Variants in RALYL observed in about 807,000 individuals in gnomAD.
RALYL encodes the protein RNA-binding Raly-like protein.
RALYL carries 29 observed loss-of-function variants against 35.1 expected under a neutral mutation model. The ratio of observed to expected loss-of-function variants is 0.83; its 90% CI spans 0.61 to 1.13. The LOEUF (loss-of-function observed/expected upper bound fraction) is 1.13. RALYL is among the 50% of genes most tolerant of loss of function. RALYL has a pLI of 0.00. For missense variants in RALYL, 359 were observed against 360.4 expected, an observed-to-expected ratio of 1.00 and a Z score of 0.03; for synonymous variants, 120 against 127.6, an observed-to-expected ratio of 0.94 and a Z score of 0.40.
In RALYL at chr8:84,570,330, T is replaced by A. The variant is rs992737129; in HGVS notation, c.256+40753T>A. On this transcript the variant is annotated intron_variant, in intron 2 of 8. Transcript: ENST00000521268. Reference sequence around the variant, plus strand: ...GGTTAAATGTATTCTAAATTGTTTTTTTTTTCTAACTATTGTAAATGGGAT... The same window carrying A: ...GGTTAAATGTATTCTAAATTGTTTTATTTTTCTAACTATTGTAAATGGGAT... Among the ~76,000 whole-genome samples, 3 of 151,756 alleles carry A rather than the reference T, an allele frequency of 2.0e-5. 1 individual carries two copies. The highest frequency in any genetic ancestry group is 1.3e-4 in the Admixed American group (2 of 15,188).
intron 1 of RALYL, among the ~76,000 whole-genome samples, chr8:84,523,297 T>TCTCATGAGACTTATTCACA (rs561447278): frequency 0.026 from 3,963 of 151,468 alleles, 233 homozygotes; most frequent in Admixed American, 0.13. Context: ...AACCATCAGC[T>TCTCATGAGACTTATTCACA]CTCATGAGAC....
intron 1 of RALYL, among the ~76,000 whole-genome samples, chr8:84,229,913 G>C (rs1824921567): frequency 1.3e-5 from 2 of 152,222 alleles, no homozygotes; most frequent in Middle Eastern, 6.8e-3. Context: ...AGGATAAGAA[G>C]ATTGCTTGTA....
intron 1 of RALYL, among the ~76,000 whole-genome samples, chr8:84,409,323 T>G (rs1269902126): frequency 6.6e-6 from 1 of 152,050 alleles, no homozygotes; most frequent in Non-Finnish European, 1.5e-5. Flanking sequence ...AAGTGAAAAT[T>G]AACACTAATA....
intron 1 of RALYL, among the ~76,000 whole-genome samples, chr8:84,272,775 T>C (rs1473075775): frequency 3.9e-5 from 6 of 152,188 alleles, no homozygotes. Context: ...AGCACTTTGC[T>C]TGATAAGTTC....
chr8:84,340,336 T>C (rs1848580135), intron 1 of RALYL, among the ~76,000 whole-genome samples: 2 of 152,248 alleles, frequency 1.3e-5, no homozygotes, highest in South Asian at 4.1e-4. Flanking sequence ...AAGTGTAAAA[T>C]ACAGTGTTAT....
At chr8:84,294,660 AGACCTTGTTATAACAAAGGTCACC>A (rs776465420) in intron 1 of RALYL, among the ~76,000 whole-genome samples, 9 of 152,142 alleles carry the variant, frequency 5.9e-5, no homozygotes, top group Non-Finnish European at 8.8e-5. Context: ...CCACTCAATC[AGACCTTGTTATAACAAAGGTCACC>A]GACCTTCACT....
Position 84,537,350 on chromosome 8 carries a change from A to G in RALYL, c.256+7773A>G, listed in dbSNP as rs1277470959. ...CTGGGCTTGGTGGCATGCACCTGTG[A>G]TCTTAGCTATTCAGGAAGCTGAGGT... On this transcript the variant is annotated intron_variant, in intron 2 of 8. Transcript: ENST00000521268. Among the ~76,000 whole-genome samples, 3 of 151,496 alleles carry G rather than the reference A, an allele frequency of 2.0e-5. No homozygotes were observed. In the East Asian group the frequency reaches 5.8e-4, roughly 29 times the overall value.
chr8:84,538,166 A>G (rs1431393486), intron 2 of RALYL, among the ~76,000 whole-genome samples: 2 of 152,226 alleles, frequency 1.3e-5, no homozygotes, highest in Non-Finnish European at 2.9e-5. Context: ...CACATATGAT[A>G]GAAAGCCCGG....
chr8:84,824,725 T>C (rs1459617424), intron 4 of RALYL, among the ~76,000 whole-genome samples: 1 of 152,162 alleles, frequency 6.6e-6, no homozygotes. Context: ...TACAGCTATC[T>C]GATCTTTGAC....
At chr8:84,331,417 C>A (rs1014014006) in intron 1 of RALYL, among the ~76,000 whole-genome samples, 4 of 152,096 alleles carry the variant, frequency 2.6e-5, no homozygotes, top group Non-Finnish European at 4.4e-5. Context: ...ATCCTCATGT[C>A]TTTGGGATTC....
intron 1 of RALYL, among the ~76,000 whole-genome samples, chr8:84,201,819 A>C (rs1379106090): frequency 6.6e-6 from 1 of 152,042 alleles, no homozygotes; most frequent in Non-Finnish European, 1.5e-5. Context: ...CTCCCACCTC[A>C]GCCTCCCAAA....
chr8:84,347,267 A>G (rs1409821916), intron 1 of RALYL, among the ~76,000 whole-genome samples: 1 of 152,074 alleles, frequency 6.6e-6, no homozygotes, highest in Non-Finnish European at 1.5e-5. Flanking sequence ...TAATAACAAT[A>G]ATAAAATAAT....
chr8:84,273,281 G>T (rs1195586255), intron 1 of RALYL, among the ~76,000 whole-genome samples: 1 of 152,204 alleles, frequency 6.6e-6, no homozygotes, highest in African/African-American at 2.4e-5. Flanking sequence ...CAACTGCCAA[G>T]CTCACCCATG....
At chr8:84,745,084 C>G (rs1210254571) in intron 2 of RALYL, among the ~76,000 whole-genome samples, 1 of 150,934 alleles carries the variant, frequency 6.6e-6, no homozygotes, top group Non-Finnish European at 1.5e-5. Flanking sequence ...CACACACACA[C>G]AGACATACAC....
At chr8:84,320,839 T>C (rs1214940084) in intron 1 of RALYL, among the ~76,000 whole-genome samples, 1 of 152,112 alleles carries the variant, frequency 6.6e-6, no homozygotes, top group Non-Finnish European at 1.5e-5. Context: ...AGATAGATTA[T>C]CAGATTTTTT....
At chr8:84,425,783 CTGTGTGTGTG>C (rs1554662152) in intron 1 of RALYL, among the ~76,000 whole-genome samples, 19 of 144,598 alleles carry the variant, frequency 1.3e-4, no homozygotes, top group East Asian at 1.0e-3. Flanking sequence ...AGTTTTTCTT[CTGTGTGTGTG>C]TGTGTGTGTG....
chr8:84,795,876 G>A (rs948983120), intron 3 of RALYL, among the ~76,000 whole-genome samples: 7 of 152,118 alleles, frequency 4.6e-5, no homozygotes, highest in South Asian at 2.1e-4. Context: ...ATGTTTATTC[G>A]CACTTTCAGC....
At chr8:84,837,676 A>C (rs1346190026) in intron 4 of RALYL, among the ~76,000 whole-genome samples, 1 of 152,226 alleles carries the variant, frequency 6.6e-6, no homozygotes. Flanking sequence ...AACAGTGTGG[A>C]TATATGGCTC....
At chr8:84,488,585 G>A (rs148103467) in intron 1 of RALYL, among the ~76,000 whole-genome samples, 191 of 152,036 alleles carry the variant, frequency 1.3e-3, no homozygotes, top group African/African-American at 4.3e-3. Flanking sequence ...AGTTCCTCCT[G>A]TACAATCATT....
Sources: gnomAD v4.1 joint callset for allele counts (sites outside exome capture counted in the v4.1 genomes callset) on GRCh38, gnomAD v4.1.1 for gene constraint, MANE v1.5 for transcripts, NCBI Gene and HGNC (gene_info 2026-07-23, HGNC 2026-07-21) for gene names.